Variants in ANKRD11 observed in about 807,000 individuals in gnomAD.
ANKRD11 encodes ankyrin repeat domain 11.
A neutral mutation model predicts 195.7 loss-of-function variants in ANKRD11; 17 were observed. The ratio of observed to expected loss-of-function variants is 0.09; its 90% confidence interval spans 0.06 to 0.13. ANKRD11 has a LOEUF of 0.13. Ranked by LOEUF, ANKRD11 falls within the 10% of genes least tolerant of loss-of-function variation. ANKRD11 has a pLI of 1.00. For missense variants in ANKRD11, 3,735 were observed against 3,566.1 expected, an observed-to-expected ratio of 1.05 and a Z score of -1.21; for synonymous variants, 1,953 against 1,528.1, an observed-to-expected ratio of 1.28 and a Z score of -6.49.
At chr16:89,381,813 A>G (rs2040669243) in intron 2 of ANKRD11, among the ~76,000 whole-genome samples, 1 of 152,164 alleles carries the variant, frequency 6.6e-6, no homozygotes, top group African/African-American at 2.4e-5. Flanking sequence ...CCCCACGCGA[A>G]TGGGGGGAAG....
At chr16:89,270,570 A>T in intron 12 of ANKRD11, 2 of 541,582 alleles carry the variant, frequency 3.7e-6, no homozygotes, top group Non-Finnish European at 6.7e-6. Flanking sequence ...GGTCCTGTTG[A>T]GCTGGCGACA....
intron 1 of ANKRD11, among the ~76,000 whole-genome samples, chr16:89,461,053 C>T (rs1335422431): frequency 7.1e-6 from 1 of 140,022 alleles, no homozygotes; most frequent in Non-Finnish European, 1.5e-5. Flanking sequence ...CACCCCCCCG[C>T]AGGAGACGCA....
chr16:89,433,336 T>A (rs1345694115), intron 1 of ANKRD11, among the ~76,000 whole-genome samples: 1 of 152,232 alleles, frequency 6.6e-6, no homozygotes, highest in African/African-American at 2.4e-5. Context: ...AGTCCATTTC[T>A]AGGAAGAAAG....
chr16:89,467,596 T>A (rs8052147), intron 1 of ANKRD11, among the ~76,000 whole-genome samples: 7,557 of 151,224 alleles, frequency 0.05, 338 homozygotes, highest in East Asian at 0.23. Context: ...GAGCTCCTGG[T>A]CTCAAGTGAT....
At chr16:89,430,614 A>C (rs1329581904) in intron 1 of ANKRD11, among the ~76,000 whole-genome samples, 1 of 152,256 alleles carries the variant, frequency 6.6e-6, no homozygotes, top group Admixed American at 6.5e-5. Flanking sequence ...CTGTCCTTTA[A>C]CAAGGACAAA....
At chr16:89,426,421 C>A (rs1453139907) in intron 1 of ANKRD11, among the ~76,000 whole-genome samples, 1 of 152,006 alleles carries the variant, frequency 6.6e-6, no homozygotes, top group South Asian at 2.1e-4. Flanking sequence ...CCCCAACCAG[C>A]GCCGGCCGAG....
rs544901512 is a variant in ANKRD11 at position 89,415,008 on chromosome 16, G to C, written c.-60+3276C>G. Reference sequence around the variant, plus strand: ...GGCCCAGGCTGGAGTGCAGTGGTGTGATCATAGCTCACTGCAGCCTCAACC... The same window carrying C: ...GGCCCAGGCTGGAGTGCAGTGGTGTCATCATAGCTCACTGCAGCCTCAACC... On this transcript the variant is annotated intron_variant, in intron 2 of 12. Transcript: ENST00000301030. 4.6e-5 allele frequency among the ~76,000 whole-genome samples: 7 copies of C among 152,246 alleles called. No homozygotes were observed. In the East Asian group the frequency reaches 1.2e-3, roughly 25 times the overall value.
At position 89,316,945 on chromosome 16, in the gene ANKRD11, C is replaced by T; in HGVS notation, c.75G>A (p.Gln25=). ...LPLSSDMVEK[Q]TGKKDKDKVS... The stretch of plus-strand genomic sequence containing the variant: ...GGGGCAGCATTACCTTTTTCCCAGT[C>T]TGCTTCTCCACCATGTCGCTGCTGA... The change falls in exon 3 of 13, where the codon CAG becomes CAA. Residue 25 remains glutamine (Q), a synonymous_variant. Transcript: ENST00000301030. The T allele has an allele frequency of 6.2e-7, 1 of 1,613,676 alleles. No individual in the cohort carries two copies. The highest frequency in any genetic ancestry group is 8.5e-7 in the Non-Finnish European group (1 of 1,179,862).
At chr16:89,321,109 C>T (rs909157985) in intron 2 of ANKRD11, 1 of 152,656 alleles carries the variant, frequency 6.6e-6, no homozygotes, top group Admixed American at 6.5e-5. Flanking sequence ...CCCTCCCCCT[C>T]CGCACACACA....
intron 4 of ANKRD11, among the ~76,000 whole-genome samples, chr16:89,303,680 G>A (rs928275532): frequency 5.9e-5 from 9 of 152,184 alleles, no homozygotes; most frequent in Non-Finnish European, 1.5e-5. Flanking sequence ...ACTCAGCAGA[G>A]TCTCCACCTG....
chr16:89,337,675 C>T (rs190750671), intron 2 of ANKRD11, among the ~76,000 whole-genome samples: 1,527 of 152,082 alleles, frequency 0.01, 19 homozygotes, highest in African/African-American at 0.035. Flanking sequence ...CTCCTGACCT[C>T]GGGATCCACC....
intron 4 of ANKRD11, among the ~76,000 whole-genome samples, chr16:89,294,030 CAT>C (rs1430125766): frequency 6.6e-6 from 1 of 152,140 alleles, no homozygotes; most frequent in Non-Finnish European, 1.5e-5. Context: ...TCACACCCAA[CAT>C]GTGCAGAATG....
intron 1 of ANKRD11, among the ~76,000 whole-genome samples, chr16:89,481,883 C>G (rs937497544): frequency 6.6e-6 from 1 of 151,766 alleles, no homozygotes; most frequent in Non-Finnish European, 1.5e-5. Flanking sequence ...TGACATTCTA[C>G]TGATTCTTTT....
At chr16:89,368,133 A>C (rs111460975) in intron 2 of ANKRD11, among the ~76,000 whole-genome samples, 2 of 152,242 alleles carry the variant, frequency 1.3e-5, no homozygotes, top group Non-Finnish European at 2.9e-5. Context: ...GGTTTAAAAA[A>C]TAAGTCCTAC....
At chr16:89,352,474 G>A (rs2039267521) in intron 2 of ANKRD11, among the ~76,000 whole-genome samples, 1 of 151,914 alleles carries the variant, frequency 6.6e-6, no homozygotes, top group Admixed American at 6.6e-5. Context: ...AGGAATGTCA[G>A]GGCAGATCTT....
At position 89,282,422 on chromosome 16, in the gene ANKRD11, T is replaced by C. The variant is rs2034335857; in HGVS notation, c.4120A>G (p.Lys1374Glu). Residue 1374 changes from lysine to glutamate, a missense_variant, in exon 9 of 13, where the codon AAA becomes GAA. By Grantham distance (56) the Lys-to-Glu change is moderately conservative. Transcript: ENST00000301030. ...TCCTTGTAATCTTCGCCCTTCTCTT[T>C]CTTCTCGGCCTTCTCTTTCTTGGCT... Reference protein sequence around the residue: ...ERAKKEKAEKKEKGEDYKEGG... With the variant: ...ERAKKEKAEKEEKGEDYKEGG... The C allele has an allele frequency of 1.9e-6, 3 of 1,614,036 alleles. No homozygotes were observed. In the East Asian group the frequency reaches 6.7e-5, roughly 36 times the overall value.
intron 1 of ANKRD11, among the ~76,000 whole-genome samples, chr16:89,489,974 C>A (rs1231292670): frequency 6.9e-6 from 1 of 145,460 alleles, no homozygotes; most frequent in Non-Finnish European, 1.5e-5. Context: ...CCCCCGGAGC[C>A]CCCTATGGGC....
intron 4 of ANKRD11, chr16:89,300,842 A>G (rs1425938413): frequency 2.8e-6 from 2 of 702,020 alleles, no homozygotes; most frequent in Non-Finnish European, 5.2e-6. Flanking sequence ...TAAGAAAATC[A>G]TAATTTTTCC....
chr16:89,334,401 A>G (rs945033697), intron 2 of ANKRD11, among the ~76,000 whole-genome samples: 13 of 152,172 alleles, frequency 8.5e-5, no homozygotes, highest in South Asian at 6.2e-4. Context: ...GAGTGGGTCC[A>G]GCTCTTCTTA....
Sources: gnomAD v4.1 joint callset for allele counts (sites outside exome capture counted in the v4.1 genomes callset) on GRCh38, gnomAD v4.1.1 for gene constraint, MANE v1.5 for transcripts, NCBI Gene and HGNC (gene_info 2026-07-23, HGNC 2026-07-21) for gene names.